The following WDFY4 variants were observed in gnomAD, a reference collection of about 807,000 sequenced individuals.
The protein encoded by WDFY4 is WD repeat- and FYVE domain-containing protein 4.
A neutral mutation model predicts 351.9 loss-of-function variants in WDFY4; 169 were observed. That is an observed-to-expected ratio of 0.48 (90% CI 0.42 to 0.55). WDFY4 has a LOEUF of 0.55. Among genes scored for constraint, WDFY4 ranks in the 20% least tolerant of loss-of-function variants. WDFY4 has a pLI of 0.00. For synonymous variants in WDFY4, 1,622 were observed against 1,574.6 expected (o/e 1.03, Z -0.71); for missense variants, 3,803 against 3,935.6 (o/e 0.97, Z 0.90).
intron 44 of WDFY4, among the ~76,000 whole-genome samples, chr10:48,895,600 T>C (rs541247138): frequency 1.3e-5 from 2 of 152,362 alleles, no homozygotes; most frequent in East Asian, 1.9e-4. Flanking sequence ...TGTAACTGTC[T>C]ATAACAGAAA....
chr10:48,978,264 A>G, intron 59 of WDFY4, 45 bp from the exon 60 acceptor site: 1 of 1,537,988 alleles, frequency 6.5e-7, no homozygotes, highest in Non-Finnish European at 8.8e-7. Flanking sequence ...AAGCTTGCAG[A>G]CAGGATCGTC....
intron 31 of WDFY4, among the ~76,000 whole-genome samples, chr10:48,816,966 T>TA (rs1429474592): frequency 6.6e-6 from 1 of 151,966 alleles, no homozygotes; most frequent in Non-Finnish European, 1.5e-5. Flanking sequence ...GGCAGAAACT[T>TA]AAAAGATAAG....
At chr10:48,788,736 C>G in intron 21 of WDFY4, 61 bp downstream of exon 21, 1 of 1,536,446 alleles carries the variant, frequency 6.5e-7, no homozygotes, top group Non-Finnish European at 8.8e-7. Context: ...TTTGCATTAG[C>G]TTTCAGTGCT....
intron 47 of WDFY4, among the ~76,000 whole-genome samples, chr10:48,914,712 A>G (rs1158755876): frequency 6.6e-6 from 1 of 152,176 alleles, no homozygotes; most frequent in Non-Finnish European, 1.5e-5. Context: ...CCAACTTCTC[A>G]CATCCCTCTT....
chr10:48,787,951 CT>C (rs1565199222), intron 20 of WDFY4, among the ~76,000 whole-genome samples: 3 of 118,280 alleles, frequency 2.5e-5, no homozygotes, highest in African/African-American at 3.6e-5. Flanking sequence ...TCTTCTTCTT[CT>C]TCTTCTTCTT....
intron 13 of WDFY4, among the ~76,000 whole-genome samples, chr10:48,768,631 A>G (rs2065753491): frequency 6.6e-6 from 1 of 151,812 alleles, no homozygotes; most frequent in African/African-American, 2.4e-5. Context: ...TATTCTGTCT[A>G]ATGTCTAAGG....
intron 19 of WDFY4, 94 bp downstream of exon 19, chr10:48,780,213 T>C: frequency 4.4e-6 from 6 of 1,372,360 alleles, no homozygotes; most frequent in Non-Finnish European, 5.9e-6. Flanking sequence ...TTTTTGTTGT[T>C]GTTTGTTTGT....
At chr10:48,700,994 G>A (rs530008112) in intron 1 of WDFY4, among the ~76,000 whole-genome samples, 7 of 152,166 alleles carry the variant, frequency 4.6e-5, no homozygotes, top group East Asian at 1.9e-4. Flanking sequence ...GTATATTCAC[G>A]TTGTTGTACA....
intron 39 of WDFY4, among the ~76,000 whole-genome samples, chr10:48,841,112 AT>A (rs2133119850): frequency 6.6e-6 from 1 of 152,370 alleles, no homozygotes; most frequent in African/African-American, 2.4e-5. Context: ...TCAGATATTC[AT>A]TTCAAAATTG....
chr10:48,927,113 A>G (rs2671702), intron 47 of WDFY4, among the ~76,000 whole-genome samples: 94,701 of 151,910 alleles, frequency 0.62, 30,007 homozygotes, highest in Non-Finnish European at 0.69. Context: ...GACTGCCTGA[A>G]GTTTGATTTT....
At chr10:48,957,325 G>C in intron 52 of WDFY4, 43 bp downstream of exon 52, 1 of 1,537,320 alleles carries the variant, frequency 6.5e-7, no homozygotes, top group African/African-American at 1.4e-5. Context: ...GCGTTGCAGG[G>C]TGCTCTTTCC....
At chr10:48,725,169 G>T (rs920480624) in intron 5 of WDFY4, among the ~76,000 whole-genome samples, 8 of 150,968 alleles carry the variant, frequency 5.3e-5, no homozygotes, top group Non-Finnish European at 1.0e-4. Context: ...TGTGGTCCAT[G>T]AAGCCCAGCT....
At chr10:48,833,172 T>TGTGTGTGTGTGAGAGA (rs372781295) in intron 39 of WDFY4, among the ~76,000 whole-genome samples, 2 of 135,818 alleles carry the variant, frequency 1.5e-5, no homozygotes, top group Non-Finnish European at 3.1e-5. Context: ...TGTGTGTGTG[T>TGTGTGTGTGTGAGAGA]GAGAGAGAGA....
In WDFY4 at chr10:48,778,695, G is replaced by T; in HGVS notation, c.3260G>T (p.Gly1087Val). ...LISRHGAATE[G>V]HPLRFLTLVR... ...AGCCGGCATGGAGCTGCCACTGAGGGCCACCCGCTGCGCTTCCTGACGTTG... is the reference window on the plus strand; with the variant it reads ...AGCCGGCATGGAGCTGCCACTGAGGTCCACCCGCTGCGCTTCCTGACGTTG... The change falls in exon 18 of 62, where the codon GGC (glycine) becomes GTC (valine). Residue 1087 changes from glycine to valine, a missense_variant. By Grantham distance (109) the Gly-to-Val change is moderately radical (BLOSUM62 -3). This residue lies in a region of WDFY4 where 3,054 missense variants were observed against 3,148.6 expected (regional missense o/e 0.97). Coordinates refer to ENST00000325239, the MANE Select transcript of WDFY4 (RefSeq NM_001394531.1). The T allele has an allele frequency of 6.4e-7, 1 of 1,551,636 alleles. No individual in the cohort carries two copies.
chr10:48,974,527 A>AAAAAC, intron 57 of WDFY4, among the ~76,000 whole-genome samples: 552 of 23,154 alleles, frequency 0.024, 70 homozygotes, highest in African/African-American at 0.038. Context: ...AAAAAAAAAA[A>AAAAAC]AACAACTCAT....
chr10:48,706,743 T>C (rs2063640723), intron 1 of WDFY4, among the ~76,000 whole-genome samples: 1 of 152,222 alleles, frequency 6.6e-6, no homozygotes, highest in Non-Finnish European at 1.5e-5. Flanking sequence ...GGATTAGGAT[T>C]TGTTATTTTA....
intron 44 of WDFY4, among the ~76,000 whole-genome samples, chr10:48,894,951 G>A (rs1836997599): frequency 6.6e-6 from 1 of 152,248 alleles, no homozygotes. Context: ...TCAGCCAGCA[G>A]CCGGTTTGTA....
At chr10:48,823,249 C>A (rs1191388294) in intron 35 of WDFY4, 2 of 1,301,362 alleles carry the variant, frequency 1.5e-6, no homozygotes, top group Non-Finnish European at 2.0e-6. Context: ...CTCAAACCCT[C>A]CCTGTGATGG....
intron 13 of WDFY4, among the ~76,000 whole-genome samples, chr10:48,771,008 C>G (rs544806576): frequency 1.4e-3 from 210 of 152,238 alleles, no homozygotes; most frequent in Non-Finnish European, 2.6e-3. Flanking sequence ...CAGTGCTCAC[C>G]TTTTAAACCA....
Sources: gnomAD v4.1 joint callset for allele counts (sites outside exome capture counted in the v4.1 genomes callset) on GRCh38, gnomAD v4.1.1 for gene constraint, gnomAD v4.1.1 regional missense constraint, MANE v1.5 for transcripts, NCBI Gene and HGNC (gene_info 2026-07-23, HGNC 2026-07-21) for gene names.